SLX9: variants seen among roughly 807,000 people sequenced by gnomAD.
SLX9 encodes the protein SLX9 ribosome biogenesis factor, also known as ribosome biogenesis protein SLX9 homolog.
Under a neutral mutation model 20.8 loss-of-function variants are expected in SLX9, and 19 were observed. That is an observed-to-expected ratio of 0.91 (90% CI 0.64 to 1.34). The LOEUF (loss-of-function observed/expected upper bound fraction) is 1.34. Among genes scored for constraint, SLX9 ranks in the 40% most tolerant of loss-of-function variants. SLX9 has a pLI of 0.00. For missense variants in SLX9, 299 were observed against 322.2 expected (o/e 0.93, Z 0.55); for synonymous variants, 113 against 137.1 (o/e 0.82, Z 1.23).
intron 2 of SLX9, among the ~76,000 whole-genome samples, chr21:44,953,498 G>A (rs1371836793): frequency 6.6e-6 from 1 of 152,152 alleles, no homozygotes; most frequent in Non-Finnish European, 1.5e-5. Flanking sequence ...CACCATCCCC[G>A]GCGGTGGGGC....
intron 3 of SLX9, among the ~76,000 whole-genome samples, chr21:44,965,342 C>T (rs1373814005): frequency 1.3e-5 from 2 of 152,110 alleles, no homozygotes; most frequent in East Asian, 1.9e-4. Context: ...CCGTGGGTCC[C>T]GCCCCGCCAC....
intron 2 of SLX9, among the ~76,000 whole-genome samples, chr21:44,957,082 C>T (rs79247825): frequency 0.012 from 1,834 of 152,352 alleles, 38 homozygotes; most frequent in African/African-American, 0.041. Context: ...GCAGCCTGTA[C>T]CTGCGTGCAC....
At chr21:44,949,191 G>T (rs1055407782) in intron 2 of SLX9, among the ~76,000 whole-genome samples, 3 of 152,220 alleles carry the variant, frequency 2.0e-5, no homozygotes, top group Non-Finnish European at 2.9e-5. Flanking sequence ...GCCCCGACTT[G>T]GCTGCTGCTT....
At chr21:44,954,830 T>C (rs544270550) in intron 2 of SLX9, among the ~76,000 whole-genome samples, 1 of 152,366 alleles carries the variant, frequency 6.6e-6, no homozygotes, top group South Asian at 2.1e-4. Flanking sequence ...TCCAGGACAC[T>C]GTCTTTGACC....
At chr21:44,976,583 C>G in intron 5 of SLX9, 97 bp from the exon 6 acceptor site, 1 of 1,503,238 alleles carries the variant, frequency 6.7e-7, no homozygotes, top group East Asian at 2.5e-5. Flanking sequence ...GGCCCCAGGC[C>G]TCTGCCATTC....
chr21:44,965,947 A>G (rs922721033), intron 3 of SLX9, among the ~76,000 whole-genome samples: 3 of 152,074 alleles, frequency 2.0e-5, no homozygotes, highest in Non-Finnish European at 1.5e-5. Context: ...TAAGCGCTGG[A>G]TTCTTACCTT....
At chr21:44,949,096 C>T (rs191959106) in intron 2 of SLX9, among the ~76,000 whole-genome samples, 3 of 152,256 alleles carry the variant, frequency 2.0e-5, no homozygotes, top group Non-Finnish European at 2.9e-5. Context: ...TTGGAGTGGG[C>T]GTTGGAAGCA....
intron 2 of SLX9, among the ~76,000 whole-genome samples, chr21:44,950,929 C>T (rs971027953): frequency 1.3e-5 from 2 of 152,130 alleles, no homozygotes; most frequent in Admixed American, 6.5e-5. Flanking sequence ...CTGGCCCAGG[C>T]GGGTGTGGGC....
At position 44,967,104 on chromosome 21, in the gene SLX9, G is replaced by A. The variant is rs778908774; in HGVS notation, c.423G>A (p.Val141=). Residue 141 remains valine, a synonymous_variant, in exon 4 of 6, where the codon GTG becomes GTA. Transcript: ENST00000291634. ...GGAGGCGGAGGGCCACGGTGGTGGT[G>A]GGGGACCTGCACCCTCTCAGGGATG... ...EERRRRATVV[V]GDLHPLRDAL... is the part of the protein sequence containing the mutation. 6.9e-5 allele frequency: 111 copies of A among 1,611,208 alleles called. No individual in the cohort carries two copies. The highest frequency in any genetic ancestry group is 9.2e-5 in the Non-Finnish European group (108 of 1,179,490).
At chr21:44,959,981 GC>G (rs1462117853) in intron 2 of SLX9, 118 bp from the exon 3 acceptor site, 1 of 866,278 alleles carries the variant, frequency 1.2e-6, no homozygotes, top group African/African-American at 1.7e-5. Flanking sequence ...GCTGGCACAG[GC>G]CAGACCAGTT....
chr21:44,946,454 G>A (rs1309169167), intron 2 of SLX9, among the ~76,000 whole-genome samples: 5 of 151,386 alleles, frequency 3.3e-5, no homozygotes, highest in Non-Finnish European at 5.9e-5. Context: ...GAGCCGTGCG[G>A]CAGGGTCAGG....
rs7276484 is a variant in SLX9 at position 44,959,277 on chromosome 21, C to T, written c.284-823C>T. 10,910 of 984,688 alleles carry T rather than the reference C, an allele frequency of 0.011. 906 individuals are homozygous for T. The African/African-American group carries it at 0.17, about 15-fold the overall frequency. 61.0% of individuals were successfully genotyped at this position (984,688 alleles called of 1,614,324 possible). The stretch of plus-strand genomic sequence containing the variant: ...AGGTCTGCATGAATTAAAAGAGATA[C>T]TGGGAGATGTGTTCTGGGGAGAATG... On this transcript the variant is annotated intron_variant, in intron 2 of 5. Coordinates refer to ENST00000291634, the MANE Select transcript of SLX9 (RefSeq NM_058190.4).
chr21:44,963,356 C>T (rs950143089), intron 3 of SLX9, among the ~76,000 whole-genome samples: 4 of 148,012 alleles, frequency 2.7e-5, no homozygotes, highest in African/African-American at 1.0e-4. Flanking sequence ...CCAAAGTGCT[C>T]GGATTACAGG....
intron 3 of SLX9, among the ~76,000 whole-genome samples, chr21:44,962,157 T>A (rs533478753): frequency 1.1e-3 from 164 of 152,350 alleles, no homozygotes; most frequent in African/African-American, 3.8e-3. Flanking sequence ...GTTCTTTTTT[T>A]TTCTTTTTCT....
chr21:44,963,617 TC>T (rs1312856760), intron 3 of SLX9, among the ~76,000 whole-genome samples: 2 of 152,134 alleles, frequency 1.3e-5, no homozygotes, highest in East Asian at 3.8e-4. Flanking sequence ...GTTCCTTTTT[TC>T]CCCCTAATAT....
chr21:44,965,595 G>T (rs1246025589), intron 3 of SLX9, among the ~76,000 whole-genome samples: 3 of 152,204 alleles, frequency 2.0e-5, no homozygotes, highest in African/African-American at 7.2e-5. Flanking sequence ...ACTGGTGGTG[G>T]TGACCATAGG....
At chr21:44,956,431 T>G (rs2084858788) in intron 2 of SLX9, among the ~76,000 whole-genome samples, 1 of 152,198 alleles carries the variant, frequency 6.6e-6, no homozygotes, top group Non-Finnish European at 1.5e-5. Context: ...ACGATGCATT[T>G]CAGCTTGCAT....
intron 5 of SLX9, among the ~76,000 whole-genome samples, chr21:44,973,582 A>C (rs1200056587): frequency 3.3e-4 from 1 of 3,012 alleles, no homozygotes; most frequent in Admixed American, 3.8e-3. Context: ...CGCCCCGCCC[A>C]CCCTCTCCAG....
chr21:44,947,166 C>T (rs2084658399), intron 2 of SLX9, among the ~76,000 whole-genome samples: 1 of 152,224 alleles, frequency 6.6e-6, no homozygotes, highest in South Asian at 2.1e-4. Flanking sequence ...TCCCTACCCC[C>T]ACCCCACCCC....
Sources: gnomAD v4.1 joint callset for allele counts (sites outside exome capture counted in the v4.1 genomes callset) on GRCh38, gnomAD v4.1.1 for gene constraint, MANE v1.5 for transcripts, NCBI Gene and HGNC (gene_info 2026-07-23, HGNC 2026-07-21) for gene names.